The following SPMIP9 variants were observed in gnomAD, a reference collection of about 807,000 sequenced individuals.
SPMIP9 encodes the protein sperm microtubule inner protein 9, also known as protein SPMIP9.
chr2:88,525,898 C>A, the SPMIP9 span, among the ~76,000 whole-genome samples: 2 of 151,846 alleles, frequency 1.3e-5, no homozygotes, highest in Admixed American at 1.3e-4. Flanking sequence ...TTATTAGGCA[C>A]CCACAGTGTG....
the SPMIP9 span, chr2:88,525,634 G>A: frequency 6.2e-7 from 1 of 1,614,038 alleles, no homozygotes; most frequent in Non-Finnish European, 8.5e-7. Context: ...TCTGTGTCTA[G>A]GTCGTTTGCC....
chr2:88,526,302 C>T, the SPMIP9 span: 250 of 877,538 alleles, frequency 2.8e-4, 2 homozygotes, highest in Non-Finnish European at 1.0e-4. Context: ...ATGTCAGGCC[C>T]CAAAGTCGGC....
the SPMIP9 span, chr2:88,526,293 T>C: frequency 6.3e-6 from 5 of 791,842 alleles, no homozygotes; most frequent in Non-Finnish European, 1.1e-5. Context: ...GGGCTCTGAA[T>C]GTCAGGCCCC....
the SPMIP9 span, chr2:88,529,416 A>G: frequency 1.1e-5 from 18 of 1,614,034 alleles, no homozygotes; most frequent in East Asian, 1.8e-4. Context: ...CTTCATTGCC[A>G]TATAGTCAAG....
At chr2:88,529,019 A>T in the SPMIP9 span, 1 of 1,584,224 alleles carries the variant, frequency 6.3e-7, no homozygotes. Context: ...TGTCTCTCTC[A>T]CCCCTCCATT....
chr2:88,528,211 C>T, the SPMIP9 span, among the ~76,000 whole-genome samples: 1 of 149,386 alleles, frequency 6.7e-6, no homozygotes, highest in Non-Finnish European at 1.5e-5. Context: ...GATCTTGGCT[C>T]ACTGCAACCT....
the SPMIP9 span, among the ~76,000 whole-genome samples, chr2:88,528,542 A>G: frequency 6.6e-6 from 1 of 152,198 alleles, no homozygotes; most frequent in East Asian, 1.9e-4. Context: ...CTAATTGTTA[A>G]TATAGTTAGA....
chr2:88,525,745 A>C, the SPMIP9 span: 1 of 1,480,530 alleles, frequency 6.8e-7, no homozygotes, highest in Non-Finnish European at 9.4e-7. Context: ...TGGAAGGGCC[A>C]GGCTCTTTCT....
the SPMIP9 span, chr2:88,529,132 G>A: frequency 6.2e-7 from 1 of 1,614,096 alleles, no homozygotes; most frequent in Non-Finnish European, 8.5e-7. Flanking sequence ...TAACAGATGG[G>A]TACCCTGCTT....
chr2:88,528,719 A>C, the SPMIP9 span, among the ~76,000 whole-genome samples: 1 of 152,208 alleles, frequency 6.6e-6, no homozygotes, highest in African/African-American at 2.4e-5. Flanking sequence ...AATATTCATC[A>C]TTTCTGTACA....
chr2:88,528,252 C>T, the SPMIP9 span, among the ~76,000 whole-genome samples: 1 of 151,946 alleles, frequency 6.6e-6, no homozygotes. Flanking sequence ...ATTCTCCTGC[C>T]TCAGCCTCCC....
chr2:88,526,491 G>A, the SPMIP9 span: 12 of 1,613,318 alleles, frequency 7.4e-6, no homozygotes, highest in South Asian at 1.1e-5. Flanking sequence ...GGGTCACGCC[G>A]CAAGAGGTAG....
the SPMIP9 span, chr2:88,528,917 T>C: frequency 1.2e-6 from 1 of 831,264 alleles, no homozygotes; most frequent in Non-Finnish European, 1.9e-6. Flanking sequence ...CTGTTGTATA[T>C]GTTACCATTC....
the SPMIP9 span, chr2:88,526,386 T>C: frequency 6.3e-7 from 1 of 1,586,154 alleles, no homozygotes; most frequent in Non-Finnish European, 8.7e-7. Flanking sequence ...TCTTGTTTTA[T>C]ATTCTCCTTG....
At chr2:88,529,280 C>T in the SPMIP9 span, 1 of 1,614,200 alleles carries the variant, frequency 6.2e-7, no homozygotes, top group Admixed American at 1.7e-5. Flanking sequence ...CCACGATCTG[C>T]ACCTGGCCCA....
the SPMIP9 span, chr2:88,529,349 C>T: frequency 1.4e-5 from 23 of 1,614,094 alleles, no homozygotes; most frequent in Non-Finnish European, 1.9e-5. Flanking sequence ...GGATCCCAAA[C>T]ACCAGCCTGC....
chr2:88,525,953 C>A, the SPMIP9 span, among the ~76,000 whole-genome samples: 1 of 152,248 alleles, frequency 6.6e-6, no homozygotes, highest in South Asian at 2.1e-4. Context: ...TGTCTAAGTA[C>A]ACTAAACCTG....
At chr2:88,528,790 A>T in the SPMIP9 span, among the ~76,000 whole-genome samples, 4 of 152,352 alleles carry the variant, frequency 2.6e-5, no homozygotes, top group East Asian at 7.7e-4. Flanking sequence ...TTCTAGAGAG[A>T]TACAAAAAGC....
At chr2:88,529,137 C>G in the SPMIP9 span, 1 of 1,614,054 alleles carries the variant, frequency 6.2e-7, no homozygotes, top group African/African-American at 1.3e-5. Context: ...GATGGGTACC[C>G]TGCTTTCAAA....
Sources: allele counts gnomAD v4.1 joint callset (sites outside exome capture counted in the v4.1 genomes callset), GRCh38; gene constraint gnomAD v4.1.1; transcripts MANE v1.5; gene names NCBI Gene and HGNC (gene_info 2026-07-23, HGNC 2026-07-21).